Variants in DHX29 observed in about 807,000 individuals in gnomAD.
DHX29 encodes DExH-box helicase 29, also known as ATP-dependent RNA helicase DHX29.
Under a neutral mutation model 167.9 loss-of-function variants are expected in DHX29, and 79 were observed. That is an observed-to-expected ratio of 0.47 (90% CI 0.39 to 0.57). DHX29 has a LOEUF of 0.57. Ranked by LOEUF, DHX29 falls within the 20% of genes least tolerant of loss-of-function variation. The probability of loss-of-function intolerance (pLI) is 0.00; values close to 1 mark genes in which losing one functional copy is unlikely to be tolerated. For synonymous variants in DHX29, 530 were observed against 546.0 expected (o/e 0.97, Z 0.41); for missense variants, 1,347 against 1,593.4 (o/e 0.85, Z 2.63).
At chr5:55,285,077 T>C (rs1023384162) in intron 10 of DHX29, among the ~76,000 whole-genome samples, 1 of 152,190 alleles carries the variant, frequency 6.6e-6, no homozygotes, top group Non-Finnish European at 1.5e-5. Context: ...CATAGCTAAA[T>C]TAGCATAGCT....
intron 6 of DHX29, among the ~76,000 whole-genome samples, chr5:55,291,142 G>A (rs1206906523): frequency 6.6e-6 from 1 of 152,146 alleles, no homozygotes; most frequent in Non-Finnish European, 1.5e-5. Context: ...GGCTTTTGAG[G>A]AAAACGGATG....
chr5:55,283,674 T>G lies in DHX29; in HGVS notation c.1494A>C (p.Lys498Asn), dbSNP rs756620779. The G allele has an allele frequency of 6.2e-5, 100 of 1,614,038 alleles. No homozygotes were observed. Among genetic ancestry groups the G allele is most frequent in the Admixed American group, 8.3e-5 (5 of 59,996 alleles). The change falls in exon 11 of 27, where the codon AAA (lysine) becomes AAC (asparagine). Residue 498 changes from lysine to asparagine, a missense_variant. Physicochemically the swap from Lys to Asn is moderately conservative, Grantham distance 94 (BLOSUM62 0). This residue lies in a region of DHX29 where 882 missense variants were observed against 1,082.4 expected (regional missense o/e 0.81). Transcript: ENST00000251636. ...GTTGCTGCTGTTGCTGCTGTTTCAG[T>G]TTATTCAGAAGTTTGGCAATAAAAA... ...RDLFIAKLLN[K>N]LKQQQQQQQQ...
chr5:55,279,725 T>C (rs1210284485), intron 12 of DHX29: 1 of 155,504 alleles, frequency 6.4e-6, no homozygotes, highest in Non-Finnish European at 1.4e-5. Context: ...TTTTGTTTTG[T>C]TTTGCTGTTT....
intron 11 of DHX29, 28 bp downstream of exon 11, chr5:55,283,175 A>G: frequency 1.3e-6 from 2 of 1,549,426 alleles, no homozygotes. Flanking sequence ...ACCATCATTC[A>G]CTGAGGTGGA....
rs1561165441 is a variant in DHX29 at position 55,294,049 on chromosome 5, T to C, written c.748A>G (p.Lys250Glu). 1.2e-6 allele frequency: 2 copies of C among 1,608,946 alleles called. No homozygotes were observed. The highest frequency in any genetic ancestry group is 1.7e-5 in the Admixed American group (1 of 59,568). Residue 250 changes from lysine to glutamate, a missense_variant, in exon 6 of 27, where the codon AAA becomes GAA. This residue lies in a region of DHX29 where 405 missense variants were observed against 416.8 expected (regional missense o/e 0.97). Coordinates refer to ENST00000251636, the MANE Select transcript of DHX29 (RefSeq NM_019030.4). ...AATTTTTCCTCCTCTTCTAAACTTT[T>C]AGAATTCTCATTCTTTTCTTCTTCA... ...QNEEEKNENS[K>E]SLEEEEKFDP...
intron 6 of DHX29, among the ~76,000 whole-genome samples, chr5:55,291,239 T>C (rs1413673224): frequency 6.6e-6 from 1 of 152,070 alleles, no homozygotes; most frequent in Non-Finnish European, 1.5e-5. Context: ...TTTCTCCCCC[T>C]TAGGTTAATA....
At chr5:55,267,920 T>G in intron 21 of DHX29, 98 bp from the exon 22 acceptor site, 3 of 775,886 alleles carry the variant, frequency 3.9e-6, no homozygotes, top group Non-Finnish European at 5.5e-6. Flanking sequence ...ACAATCACAC[T>G]TTAAGTTGCC....
chr5:55,273,871 A>G (rs904191414), intron 16 of DHX29, among the ~76,000 whole-genome samples: 1 of 151,884 alleles, frequency 6.6e-6, no homozygotes, highest in Admixed American at 6.6e-5. Context: ...CAGATCATCT[A>G]AGGTCAGGAG....
Position 55,256,612 on chromosome 5 carries a change from A to C in DHX29, c.4058-72T>G. On this transcript the variant is annotated intron_variant, in intron 26 of 26. Coordinates refer to ENST00000251636, the MANE Select transcript of DHX29 (RefSeq NM_019030.4). ...TAATTTTCCAAGGTATGCACATGTA[A>C]ATAAGAGGTATATGTCACTAAAAAT... The C allele has an allele frequency of 3.5e-6, 5 of 1,434,026 alleles. No homozygotes were observed. The Admixed American group carries it at 9.2e-5, about 26-fold the overall frequency. The allele number at this position is 1,434,026 out of a possible 1,614,324, so 88.8% of individuals were successfully genotyped here.
At chr5:55,258,462 C>T (rs923239418) in intron 26 of DHX29, among the ~76,000 whole-genome samples, 3 of 152,162 alleles carry the variant, frequency 2.0e-5, no homozygotes, top group African/African-American at 7.2e-5. Context: ...AGCCACAGGC[C>T]TCTCCCATAG....
At chr5:55,295,558 A>G (rs1427822214) in intron 4 of DHX29, 34 bp from the exon 5 acceptor site, 4 of 1,601,148 alleles carry the variant, frequency 2.5e-6, no homozygotes, top group Middle Eastern at 1.7e-4. Flanking sequence ...GAAAATAAAC[A>G]GGCATATGAT....
intron 1 of DHX29, among the ~76,000 whole-genome samples, chr5:55,300,187 T>C (rs1024687893): frequency 1.3e-5 from 2 of 149,212 alleles, no homozygotes; most frequent in Non-Finnish European, 3.0e-5. Flanking sequence ...GTCTGGGCAA[T>C]ATAGTGAGAC....
intron 10 of DHX29, 26 bp from the exon 11 acceptor site, chr5:55,283,837 T>TAAA (rs1747575212): frequency 6.5e-7 from 1 of 1,533,190 alleles, no homozygotes; most frequent in Non-Finnish European, 8.7e-7. Context: ...AGGTATGTTA[T>TAAA]TTTCACTAAC....
chr5:55,269,566 G>T lies in DHX29; in HGVS notation c.3141C>A (p.Ser1047Arg). 1.2e-6 allele frequency: 2 copies of T among 1,614,092 alleles called. No individual in the cohort carries two copies. Among genetic ancestry groups the T allele is most frequent in the Non-Finnish European group, 1.7e-6 (2 of 1,180,026 alleles). Reference protein sequence around the residue: ...ALDPPQLQVISNAMNLLRKIG... With the variant: ...ALDPPQLQVIRNAMNLLRKIG... The stretch of plus-strand genomic sequence containing the variant: ...TTTTTCGGAGCAAATTCATTGCATT[G>T]CTGATCACTTGGAGCTGAGGAGGAT... Residue 1047 changes from serine to arginine, a missense_variant, in exon 21 of 27, where the codon AGC (serine) becomes AGA (arginine). Ser to Arg is a moderately radical substitution (Grantham distance 110). This residue lies in a region of DHX29 where 882 missense variants were observed against 1,082.4 expected (regional missense o/e 0.81). Coordinates refer to ENST00000251636, the MANE Select transcript of DHX29 (RefSeq NM_019030.4).
chr5:55,267,922 T>TAA, intron 21 of DHX29, 100 bp from the exon 22 acceptor site: 1 of 747,644 alleles, frequency 1.3e-6, no homozygotes, highest in Non-Finnish European at 1.9e-6. Flanking sequence ...AATCACACTT[T>TAA]AAGTTGCCTG....
intron 2 of DHX29, 77 bp from the exon 3 acceptor site, chr5:55,297,475 T>C: frequency 2.9e-6 from 2 of 688,658 alleles, no homozygotes; most frequent in Non-Finnish European, 5.0e-6. Flanking sequence ...CAGTTTTCTA[T>C]ATTCCTGCCA....
chr5:55,274,327 G>A lies in DHX29; in HGVS notation c.2690+287C>T, dbSNP rs1021021335. Among the ~76,000 whole-genome samples, 6 of 152,110 alleles carry A rather than the reference G, an allele frequency of 3.9e-5. No individual in the cohort carries two copies. The South Asian group carries it at 1.2e-3, about 32-fold the overall frequency. On this transcript the variant is annotated intron_variant, in intron 16 of 26. Transcript: ENST00000251636. ...GTGGGAGGATTGTTTGAGCCCAGGA[G>A]TTTGAGGCTAAAGGTGCAATCGTGC... is the stretch of plus-strand genomic sequence containing the variant.
rs181965370 is a variant in DHX29, at chr5:55,271,693, A to G, written c.2864+394T>C. Reference sequence around the variant, plus strand: ...AATGAAGAAACTGATTAGAGAGGTTATATGTTACATTACTTGCTCAAGAGA... The same window carrying G: ...AATGAAGAAACTGATTAGAGAGGTTGTATGTTACATTACTTGCTCAAGAGA... On this transcript the variant is annotated intron_variant, in intron 18 of 26. Transcript: ENST00000251636. Among the ~76,000 whole-genome samples, 3 of 152,356 alleles carry G rather than the reference A, an allele frequency of 2.0e-5. No homozygotes were observed. The East Asian group carries it at 5.8e-4, about 29-fold the overall frequency.
At chr5:55,272,252 G>T in intron 17 of DHX29, 77 bp from the exon 18 acceptor site, 1 of 912,884 alleles carries the variant, frequency 1.1e-6, no homozygotes, top group Non-Finnish European at 1.6e-6. Flanking sequence ...TTTAGTTTGA[G>T]CTGATGAAAT....
Sources: gnomAD v4.1 joint callset for allele counts (sites outside exome capture counted in the v4.1 genomes callset) on GRCh38, gnomAD v4.1.1 for gene constraint, gnomAD v4.1.1 regional missense constraint, MANE v1.5 for transcripts, NCBI Gene and HGNC (gene_info 2026-07-23, HGNC 2026-07-21) for gene names.